The following PTPRM variants were observed in gnomAD, a reference collection of about 807,000 sequenced individuals.
PTPRM encodes receptor-type tyrosine-protein phosphatase mu.
In PTPRM, 47 loss-of-function variants were observed where a neutral mutation model predicts 186.7. That is an observed-to-expected ratio of 0.25 (90% confidence interval 0.20 to 0.32). PTPRM has a LOEUF of 0.32. PTPRM is among the 10% of genes least tolerant of loss of function. The probability of loss-of-function intolerance (pLI) is 1.00; values close to 1 mark genes in which losing one functional copy is unlikely to be tolerated. For synonymous variants in PTPRM, 668 were observed against 674.9 expected, an observed-to-expected ratio of 0.99 and a Z score of 0.16; for missense variants, 1,494 against 1,865.0, an observed-to-expected ratio of 0.80 and a Z score of 3.66.
Position 7,694,744 on chromosome 18 carries a change from C to T in PTPRM, c.74-79405C>T, listed in dbSNP as rs1013799957. ...GCCGCTGGAAACCCTTTTCCACAGC[C>T]GTATAAAATATCTATAGAAGGACCA... On this transcript the variant is annotated intron_variant, in intron 1 of 32. Transcript: ENST00000580170. 5.3e-5 allele frequency among the ~76,000 whole-genome samples: 8 copies of T among 151,744 alleles called. No homozygotes were observed. In the East Asian group the frequency reaches 7.7e-4, roughly 15 times the overall value.
chr18:8,392,687 A>G (rs1008355821), intron 31 of PTPRM, among the ~76,000 whole-genome samples: 17 of 151,946 alleles, frequency 1.1e-4, no homozygotes, highest in African/African-American at 4.1e-4. Flanking sequence ...TGATGCAGGG[A>G]TAGTGCGGGA....
At chr18:7,662,307 A>G (rs1309929489) in intron 1 of PTPRM, among the ~76,000 whole-genome samples, 4 of 152,188 alleles carry the variant, frequency 2.6e-5, no homozygotes, top group Admixed American at 6.5e-5. Context: ...TTTGGAAGCA[A>G]TCTAAGTGTG....
chr18:7,802,132 C>T (rs2044003488), intron 2 of PTPRM, among the ~76,000 whole-genome samples: 1 of 152,046 alleles, frequency 6.6e-6, no homozygotes, highest in Admixed American at 6.6e-5. Flanking sequence ...CGACCTTTTC[C>T]AGTTTGCCGC....
intron 19 of PTPRM, among the ~76,000 whole-genome samples, chr18:8,262,059 C>T (rs1006709091): frequency 1.3e-5 from 2 of 152,088 alleles, no homozygotes; most frequent in Non-Finnish European, 2.9e-5. Flanking sequence ...CTGTCACCGC[C>T]CACTAACATG....
intron 14 of PTPRM, among the ~76,000 whole-genome samples, chr18:8,236,784 C>T (rs904818376): frequency 1.3e-5 from 2 of 152,114 alleles, no homozygotes; most frequent in African/African-American, 4.8e-5. Flanking sequence ...TCAAGCAGTC[C>T]ACCTGCCTCT....
intron 1 of PTPRM, among the ~76,000 whole-genome samples, chr18:7,593,648 A>G (rs761841156): frequency 1.3e-5 from 2 of 152,238 alleles, no homozygotes; most frequent in African/African-American, 2.4e-5. Flanking sequence ...GTCAGTCATT[A>G]ATGCATTAGC....
intron 14 of PTPRM, among the ~76,000 whole-genome samples, chr18:8,235,716 A>G (rs541347181): frequency 1.3e-5 from 2 of 152,038 alleles, no homozygotes; most frequent in African/African-American, 4.8e-5. Context: ...CAGTGCTACA[A>G]ATTTCACTCT....
intron 22 of PTPRM, among the ~76,000 whole-genome samples, chr18:8,330,882 G>A (rs1047614088): frequency 3.9e-5 from 6 of 152,064 alleles, no homozygotes; most frequent in African/African-American, 1.5e-4. Context: ...CATGCATGCC[G>A]CCATTCGGTC....
chr18:8,154,791 T>C (rs551150242), intron 14 of PTPRM: 1 of 152,348 alleles, frequency 6.6e-6, no homozygotes, highest in South Asian at 2.1e-4. Context: ...TTTTAGGATG[T>C]TTTACAAACC....
At chr18:8,144,178 C>A (rs1169821931) in intron 14 of PTPRM, among the ~76,000 whole-genome samples, 1 of 152,106 alleles carries the variant, frequency 6.6e-6, no homozygotes, top group Non-Finnish European at 1.5e-5. Context: ...ATGATGATGA[C>A]AGATTTTATG....
chr18:7,838,190 CCTT>C (rs113629192), intron 2 of PTPRM, among the ~76,000 whole-genome samples: 61 of 152,272 alleles, frequency 4.0e-4, no homozygotes, highest in African/African-American at 1.3e-3. Flanking sequence ...GCAAACACAT[CCTT>C]CTTCACATGG....
At chr18:8,178,656 A>T (rs997403785) in intron 14 of PTPRM, among the ~76,000 whole-genome samples, 26 of 152,140 alleles carry the variant, frequency 1.7e-4, no homozygotes, top group Non-Finnish European at 2.1e-4. Context: ...GCATGGTGGT[A>T]TGTGCCTGTA....
At position 8,394,514 on chromosome 18, in the gene PTPRM, G is replaced by A. The variant is rs1485412409; in HGVS notation, c.4247G>A (p.Ser1416Asn). ...CGCAGTGGGACGTTCTGCGCCATCA[G>A]CATCGTATGTGAGATGCTCCGGCAC... ...GGRSGTFCAI[S>N]IVCEMLRHQR... Residue 1416 changes from serine to asparagine, a missense_variant, in exon 32 of 33, where the codon AGC becomes AAC. Ser to Asn is a conservative substitution (Grantham distance 46). Coordinates refer to ENST00000580170, the MANE Select transcript of PTPRM (RefSeq NM_001105244.2). 1.9e-6 allele frequency: 3 copies of A among 1,613,582 alleles called. No homozygotes were observed. The Admixed American group carries it at 5.0e-5, about 27-fold the overall frequency.
At chr18:7,806,738 C>CTT (rs1216415480) in intron 2 of PTPRM, among the ~76,000 whole-genome samples, 3 of 152,022 alleles carry the variant, frequency 2.0e-5, no homozygotes, top group African/African-American at 7.2e-5. Flanking sequence ...TTTAGATGAC[C>CTT]TTATTTTAGT....
chr18:7,851,579 C>G (rs1459074618), intron 2 of PTPRM, among the ~76,000 whole-genome samples: 3 of 151,870 alleles, frequency 2.0e-5, no homozygotes, highest in African/African-American at 7.3e-5. Context: ...TCCACCAACC[C>G]AGAATTCTAC....
chr18:7,863,137 T>C (rs931305259), intron 2 of PTPRM, among the ~76,000 whole-genome samples: 2 of 152,176 alleles, frequency 1.3e-5, no homozygotes, highest in Admixed American at 6.5e-5. Flanking sequence ...TTTGACTTAA[T>C]TGGTCTGAGA....
chr18:8,172,197 C>T (rs563735422), intron 14 of PTPRM, among the ~76,000 whole-genome samples: 5 of 150,346 alleles, frequency 3.3e-5, no homozygotes, highest in East Asian at 3.9e-4. Context: ...ACAATTATGG[C>T]GGAAGGTGAG....
intron 1 of PTPRM, among the ~76,000 whole-genome samples, chr18:7,636,197 C>T (rs2038308342): frequency 6.7e-6 from 1 of 150,166 alleles, no homozygotes; most frequent in Non-Finnish European, 1.5e-5. Context: ...TACCTGTTAA[C>T]CACTGCAGTG....
At chr18:8,301,074 C>T (rs950935218) in intron 20 of PTPRM, among the ~76,000 whole-genome samples, 6 of 152,158 alleles carry the variant, frequency 3.9e-5, no homozygotes, top group Admixed American at 3.3e-4. Flanking sequence ...CCTAGAGCCT[C>T]GGACTTGGGA....
Sources: gnomAD v4.1 joint callset for allele counts (sites outside exome capture counted in the v4.1 genomes callset) on GRCh38, gnomAD v4.1.1 for gene constraint, MANE v1.5 for transcripts, NCBI Gene and HGNC (gene_info 2026-07-23, HGNC 2026-07-21) for gene names.